ADAM20: variants seen among roughly 807,000 people sequenced by gnomAD.
The protein encoded by ADAM20 is ADAM metallopeptidase domain 20.
For missense variants in ADAM20, 871 were observed against 883.2 expected (o/e 0.99, Z 0.18); for synonymous variants, 305 against 310.2 (o/e 0.98, Z 0.18).
At chr14:70,536,370 G>A (rs1007420631), upstream of ADAM20, among the ~76,000 whole-genome samples, 1 of 148,172 alleles carries the variant, frequency 6.7e-6, no homozygotes, top group Admixed American at 7.0e-5. Flanking sequence ...GGAGGCTGAG[G>A]CAGAAGAATT....
the ADAM20 span, among the ~76,000 whole-genome samples, chr14:70,575,671 A>C: frequency 4.0e-4 from 61 of 152,224 alleles, no homozygotes; most frequent in Non-Finnish European, 7.8e-4. Context: ...ATATTATTAA[A>C]ATTTTCAGTT....
intron 1 of ADAM20, among the ~76,000 whole-genome samples, chr14:70,532,125 G>C (rs1883724558): frequency 1.3e-5 from 2 of 151,982 alleles, no homozygotes; most frequent in Non-Finnish European, 2.9e-5. Context: ...AGTAAAAACA[G>C]CATGGTACTG....
upstream of ADAM20, among the ~76,000 whole-genome samples, chr14:70,539,234 T>C (rs1446245090): frequency 1.3e-5 from 2 of 151,390 alleles, no homozygotes; most frequent in African/African-American, 4.9e-5. Context: ...AAATACAAAA[T>C]TGCATGCAGG....
chr14:70,534,015 A>G (rs1883772086), intron 1 of ADAM20, among the ~76,000 whole-genome samples: 1 of 141,720 alleles, frequency 7.1e-6, no homozygotes, highest in African/African-American at 2.6e-5. Flanking sequence ...CCTGGGAGGC[A>G]GAGGTTGCAG....
At chr14:70,546,029 T>C in the ADAM20 span, among the ~76,000 whole-genome samples, 1 of 152,100 alleles carries the variant, frequency 6.6e-6, no homozygotes, top group African/African-American at 2.4e-5. Flanking sequence ...GAAATACAAC[T>C]AGAAATCAAT....
In ADAM20 at chr14:70,522,704, A is replaced by G. The variant is rs1883478193; in HGVS notation, c.2054T>C (p.Leu685Ser). The part of the protein sequence containing the change: ...GPPPKNNMEG[L>S]NVMGKLRYLS... ...GTAACGCAACTTTCCCATCACATTT[A>G]ATCCTTCCATGTTGTTCTTAGGAGG... Residue 685 changes from leucine to serine, a missense_variant, in exon 2 of 2, where the codon TTA (leucine) becomes TCA (serine). Physicochemically the swap from Leu to Ser is moderately radical, Grantham distance 145. Transcript: ENST00000256389. 4.3e-6 allele frequency: 7 copies of G among 1,614,062 alleles called. No individual in the cohort carries two copies. The highest frequency in any genetic ancestry group is 1.3e-5 in the African/African-American group (1 of 75,052).
Position 70,522,459 on chromosome 14 carries a change from A to G in ADAM20, c.*118T>C, listed in dbSNP as rs1566654163. The G allele has an allele frequency of 1.9e-6, 2 of 1,059,884 alleles. No homozygotes were observed. The highest frequency in any genetic ancestry group is 1.6e-5 in the African/African-American group (1 of 62,178). The allele number at this position is 1,059,884 out of a possible 1,614,324, so 65.7% of individuals were successfully genotyped here. A position where few individuals can be genotyped will look rare whatever the true frequency, so the allele number is the denominator to read the frequency against. ...GATAGCTAATGCTTGCAATCCTGACATGAAATGTCCATGAAGTTTTATTTA... is the reference window on the plus strand; with the variant it reads ...GATAGCTAATGCTTGCAATCCTGACGTGAAATGTCCATGAAGTTTTATTTA... On this transcript the variant is annotated 3_prime_UTR_variant, in exon 2 of 2. Transcript: ENST00000256389.
chr14:70,547,496 C>T, the ADAM20 span: 2 of 132,438 alleles, frequency 1.5e-5, no homozygotes, highest in Non-Finnish European at 3.2e-5. Context: ...ACCTGGGAAG[C>T]GCAAGGGGTC....
the ADAM20 span, among the ~76,000 whole-genome samples, chr14:70,569,885 C>CAAAAAAAAA: frequency 1.1e-4 from 8 of 76,184 alleles, no homozygotes; most frequent in South Asian, 6.2e-4. Context: ...AGAAAACTAA[C>CAAAAAAAAA]AAAAAAAAAA....
At chr14:70,578,035 AAAATT>A in the ADAM20 span, among the ~76,000 whole-genome samples, 1 of 152,198 alleles carries the variant, frequency 6.6e-6, no homozygotes, top group African/African-American at 2.4e-5. Flanking sequence ...GGACGTTAGA[AAAATT>A]AAAGTTTTTT....
chr14:70,545,442 A>G, the ADAM20 span, among the ~76,000 whole-genome samples: 1 of 152,236 alleles, frequency 6.6e-6, no homozygotes, highest in African/African-American at 2.4e-5. Flanking sequence ...CTGCCCAAAG[A>G]GGGAGCATCA....
At chr14:70,572,345 G>C in the ADAM20 span, among the ~76,000 whole-genome samples, 4,050 of 152,278 alleles carry the variant, frequency 0.027, 81 homozygotes, top group Middle Eastern at 0.058. Context: ...CCAATCAATG[G>C]TGAAAGGACT....
At chr14:70,538,960 T>C (rs1249086668), upstream of ADAM20, among the ~76,000 whole-genome samples, 2 of 152,198 alleles carry the variant, frequency 1.3e-5, no homozygotes, top group African/African-American at 4.8e-5. Context: ...ACCATGCCTG[T>C]AGGGAGACCC....
intron 1 of ADAM20, among the ~76,000 whole-genome samples, 175 bp downstream of exon 1, chr14:70,534,622 T>C (rs963181086): frequency 6.6e-6 from 1 of 152,070 alleles, no homozygotes; most frequent in African/African-American, 2.4e-5. Flanking sequence ...GTAAAATTCT[T>C]AGAAGAAAAA....
chr14:70,531,399 A>C (rs892044048), intron 1 of ADAM20, among the ~76,000 whole-genome samples: 1 of 152,182 alleles, frequency 6.6e-6, no homozygotes, highest in Non-Finnish European at 1.5e-5. Context: ...TACACAGCTA[A>C]CATTGTACTC....
At chr14:70,571,800 A>G in the ADAM20 span, among the ~76,000 whole-genome samples, 1 of 152,224 alleles carries the variant, frequency 6.6e-6, no homozygotes, top group African/African-American at 2.4e-5. Flanking sequence ...AAGATACAAA[A>G]ATCAATGTAC....
chr14:70,541,091 A>G, the ADAM20 span, among the ~76,000 whole-genome samples: 1 of 152,204 alleles, frequency 6.6e-6, no homozygotes, highest in Non-Finnish European at 1.5e-5. Context: ...ACGCCCAGGC[A>G]AAAAATAATC....
At position 70,524,561 on chromosome 14, in the gene ADAM20, C is replaced by T. The variant is rs138842334; in HGVS notation, c.197G>A (p.Arg66Gln). Residue 66 changes from arginine (R) to glutamine (Q), a missense_variant, in exon 2 of 2, where the codon CGG becomes CAG. Arg to Gln is a conservative substitution (Grantham distance 43, BLOSUM62 1). Coordinates refer to ENST00000256389, the MANE Select transcript of ADAM20 (RefSeq NM_003814.5). ...GACAATGTATCTCTGTCCCCCAAAC[C>T]GCAGGCTATAGGAGAGCCATCCAGG... ...KAPGWLSYSLRFGGQRYIVHM... is the reference protein window; with the variant it reads ...KAPGWLSYSLQFGGQRYIVHM... 3.7e-5 allele frequency: 60 copies of T among 1,613,950 alleles called. No individual in the cohort carries two copies. Among genetic ancestry groups the T allele is most frequent in the South Asian group, 5.5e-5 (5 of 91,084 alleles).
At chr14:70,540,927 G>A in the ADAM20 span, among the ~76,000 whole-genome samples, 2 of 152,138 alleles carry the variant, frequency 1.3e-5, no homozygotes, top group African/African-American at 4.8e-5. Context: ...TGAGTAGCTG[G>A]GACTATTGGC....
Sources: gnomAD v4.1 joint callset for allele counts (sites outside exome capture counted in the v4.1 genomes callset) on GRCh38, gnomAD v4.1.1 for gene constraint, MANE v1.5 for transcripts, NCBI Gene and HGNC (gene_info 2026-07-23, HGNC 2026-07-21) for gene names.